Variants in KIAA1217 observed in about 807,000 individuals in gnomAD.
KIAA1217 encodes the protein sickle tail protein homolog.
Under a neutral mutation model 163.9 loss-of-function variants are expected in KIAA1217, and 88 were observed. The ratio of observed to expected loss-of-function variants is 0.54; its 90% CI spans 0.45 to 0.64. KIAA1217 has a LOEUF of 0.64. KIAA1217 is among the 30% of genes least tolerant of loss of function. The pLI is 0.00. For synonymous variants in KIAA1217, 903 were observed against 923.1 expected, an observed-to-expected ratio of 0.98 and a Z score of 0.39; for missense variants, 2,372 against 2,475.0, an observed-to-expected ratio of 0.96 and a Z score of 0.88.
Position 23,860,479 on chromosome 10 carries a change from A to T in KIAA1217, c.-320-146746A>T, listed in dbSNP as rs1473009252. Among the ~76,000 whole-genome samples, 2 of 152,194 alleles carry T rather than the reference A, an allele frequency of 1.3e-5. 1 individual carries two copies. The highest frequency in any genetic ancestry group is 4.1e-4 in the South Asian group (2 of 4,832). On this transcript the variant is annotated intron_variant, in intron 1 of 18. Coordinates refer to the KIAA1217 transcript ENST00000376462. The stretch of plus-strand genomic sequence containing the variant: ...AGGTATATAATTTAATGACAATATT[A>T]TACATTGTAATGAAATGTTTACATG...
At position 24,092,198 on chromosome 10, in the gene KIAA1217, C is replaced by G. The variant is rs142279669; in HGVS notation, c.-171+84824C>G. On this transcript the variant is annotated intron_variant, in intron 2 of 18. Transcript: ENST00000376462. The stretch of plus-strand genomic sequence containing the variant: ...AACCTCATGCCACCTCCAACCACAT[C>G]CCTGCTTCCCTGTGTCAGCTGAAAT... Among the ~76,000 whole-genome samples the G allele has an allele frequency of 1.8e-3, 279 of 151,822 alleles. 4 individuals are homozygous for G. Among genetic ancestry groups the G allele is most frequent in the African/African-American group, 6.3e-3 (260 of 41,130 alleles).
chr10:24,098,013 G>A (rs960805526), intron 2 of KIAA1217, among the ~76,000 whole-genome samples: 5 of 152,050 alleles, frequency 3.3e-5, no homozygotes, highest in Admixed American at 3.3e-4. Flanking sequence ...ATGCCCTGGA[G>A]CTGCCGCTGA....
intron 2 of KIAA1217, among the ~76,000 whole-genome samples, chr10:24,300,629 A>G (rs537072112): frequency 6.6e-6 from 1 of 151,942 alleles, no homozygotes; most frequent in South Asian, 2.1e-4. Flanking sequence ...GTGCAGTGGC[A>G]CGATCTCGAC....
chr10:23,932,871 A>C (rs1225923380), intron 1 of KIAA1217, among the ~76,000 whole-genome samples: 1 of 152,236 alleles, frequency 6.6e-6, no homozygotes, highest in Non-Finnish European at 1.5e-5. Flanking sequence ...GCAAAAATAA[A>C]TAAGAATAAA....
At chr10:23,744,019 T>G (rs1839266251) in intron 1 of KIAA1217, among the ~76,000 whole-genome samples, 1 of 152,154 alleles carries the variant, frequency 6.6e-6, no homozygotes, top group Non-Finnish European at 1.5e-5. Flanking sequence ...GAGAGATAGT[T>G]TTCTAGTAGA....
chr10:24,043,792 T>C (rs1030782811), intron 2 of KIAA1217, among the ~76,000 whole-genome samples: 2 of 152,128 alleles, frequency 1.3e-5, no homozygotes, highest in African/African-American at 2.4e-5. Context: ...CGAGGCTCGG[T>C]GCTTATTCCA....
chr10:24,143,853 C>G (rs1176015390), intron 2 of KIAA1217, among the ~76,000 whole-genome samples: 1 of 151,650 alleles, frequency 6.6e-6, no homozygotes, highest in Non-Finnish European at 1.5e-5. Context: ...CAGTTCTGAC[C>G]AGGACAGCAG....
chr10:24,242,120 A>G (rs937029513), intron 2 of KIAA1217, among the ~76,000 whole-genome samples: 5 of 152,166 alleles, frequency 3.3e-5, no homozygotes, highest in Non-Finnish European at 4.4e-5. Flanking sequence ...ATATTTATTT[A>G]TTTGTTTTAA....
chr10:24,503,912 A>G (rs1210772391), intron 9 of KIAA1217, among the ~76,000 whole-genome samples: 1 of 152,184 alleles, frequency 6.6e-6, no homozygotes, highest in Non-Finnish European at 1.5e-5. Context: ...GGAAGTACCT[A>G]ACTGCTCTCA....
intron 1 of KIAA1217, among the ~76,000 whole-genome samples, chr10:23,970,403 A>G (rs1249204389): frequency 1.3e-5 from 2 of 152,222 alleles, no homozygotes; most frequent in Non-Finnish European, 1.5e-5. Context: ...CAAATATCAC[A>G]TGATCTCATT....
At chr10:23,944,903 G>A (rs1424917937) in intron 1 of KIAA1217, among the ~76,000 whole-genome samples, 2 of 151,826 alleles carry the variant, frequency 1.3e-5, no homozygotes, top group Non-Finnish European at 2.9e-5. Flanking sequence ...TACTAATAAT[G>A]TAAAAATTAG....
intron 13 of KIAA1217, among the ~76,000 whole-genome samples, chr10:24,526,578 G>A (rs956038110): frequency 3.7e-4 from 56 of 152,170 alleles, no homozygotes; most frequent in Non-Finnish European, 7.1e-4. Flanking sequence ...CGCTTTGAGA[G>A]GAGACACGAG....
intron 2 of KIAA1217, among the ~76,000 whole-genome samples, chr10:24,270,726 T>C (rs2076694912): frequency 1.3e-5 from 2 of 152,166 alleles, no homozygotes; most frequent in Non-Finnish European, 2.9e-5. Context: ...TTATTTTTTT[T>C]AGTAGTTATG....
intron 2 of KIAA1217, among the ~76,000 whole-genome samples, chr10:24,267,474 C>G (rs532858064): frequency 6.6e-6 from 1 of 152,256 alleles, no homozygotes; most frequent in East Asian, 1.9e-4. Context: ...AACTATATAT[C>G]TACATCTATA....
At chr10:23,958,184 C>T (rs1478098750) in intron 1 of KIAA1217, among the ~76,000 whole-genome samples, 1 of 152,168 alleles carries the variant, frequency 6.6e-6, no homozygotes, top group Non-Finnish European at 1.5e-5. Flanking sequence ...AAGGTCCTGC[C>T]TATTCCAAGA....
intron 2 of KIAA1217, among the ~76,000 whole-genome samples, chr10:24,323,788 CGTGTGTGTGTGTGTGTGTGTGT>C (rs60528535): frequency 1.4e-5 from 2 of 144,184 alleles, no homozygotes; most frequent in African/African-American, 5.2e-5. Context: ...GTTTTCTCTT[CGTGTGTGTGTGTGTGTGTGTGT>C]GTGTGTGTGT....
intron 5 of KIAA1217, among the ~76,000 whole-genome samples, chr10:24,459,902 A>G (rs1175002515): frequency 6.6e-6 from 1 of 152,196 alleles, no homozygotes; most frequent in Non-Finnish European, 1.5e-5. Flanking sequence ...CTGCACTACA[A>G]CCTGAGCAAC....
chr10:24,112,549 G>T (rs946605795), intron 2 of KIAA1217, among the ~76,000 whole-genome samples: 1 of 152,032 alleles, frequency 6.6e-6, no homozygotes, highest in African/African-American at 2.4e-5. Flanking sequence ...AATTAGGGTT[G>T]GCCCTAACTC....
At position 23,695,872 on chromosome 10, in the gene KIAA1217, G is replaced by C. The variant is rs79431852; in HGVS notation, c.-321+638G>C. Among the ~76,000 whole-genome samples the C allele has an allele frequency of 0.07, 10,637 of 152,242 alleles. 1,066 individuals carry two copies. The highest frequency in any genetic ancestry group is 0.22 in the African/African-American group (9,091 of 41,542). On this transcript the variant is annotated intron_variant, in intron 1 of 18. Transcript: ENST00000376462. This position sits in a 1 kb window ranked among gnomAD's most constrained non-coding sequence, Gnocchi z 4.9. ...CGGTTGATGTTGGGCGCCTTTGGAA[G>C]CTGGTCATTAATTCTTGTCATCGGG...
Sources: gnomAD v4.1 joint callset for allele counts (sites outside exome capture counted in the v4.1 genomes callset) on GRCh38, gnomAD v4.1.1 for gene constraint, Gnocchi (gnomAD v3.1) non-coding constraint, MANE v1.5 for transcripts, NCBI Gene and HGNC (gene_info 2026-07-23, HGNC 2026-07-21) for gene names.